Variants in TBC1D8B observed in about 807,000 individuals in gnomAD.
TBC1D8B encodes the protein RP11-321G1.1.
A neutral mutation model predicts 82.9 loss-of-function variants in TBC1D8B; 75 were observed. The ratio of observed to expected loss-of-function variants is 0.90; its 90% CI spans 0.75 to 1.10. The LOEUF (loss-of-function observed/expected upper bound fraction) is 1.10. Ranked by LOEUF, TBC1D8B falls within the 50% of genes least tolerant of loss-of-function variation. The pLI is 0.00. For synonymous variants in TBC1D8B, 276 were observed against 276.8 expected, an observed-to-expected ratio of 1.00 and a Z score of 0.03; for missense variants, 794 against 796.9, an observed-to-expected ratio of 1.00 and a Z score of 0.04.
At chrX:106,827,977 C>A (rs766872974) in intron 7 of TBC1D8B, 1 of 110,951 alleles carries the variant, frequency 9.0e-6, no homozygotes, top group Admixed American at 9.6e-5. Flanking sequence ...ACAAAAAACC[C>A]TTCAAAAAAT....
chrX:106,864,090 C>G (rs1022739407), intron 14 of TBC1D8B, among the ~76,000 whole-genome samples: 1 of 111,306 alleles, frequency 9.0e-6, no homozygotes, highest in Non-Finnish European at 1.9e-5. Flanking sequence ...TTGGTCTGTT[C>G]CAGGATCCGA....
In TBC1D8B at chrX:106,853,632, G is replaced by T; in HGVS notation, c.2235G>T (p.Leu745Phe). 1 of 1,207,124 alleles carries T rather than the reference G, an allele frequency of 8.3e-7. No individual in the cohort carries two copies. The highest frequency in any genetic ancestry group is 1.8e-5 in the South Asian group (1 of 56,398). The change falls in exon 13 of 21, where the codon TTG (leucine) becomes TTT (phenylalanine). Residue 745 changes from leucine to phenylalanine, a missense_variant. Coordinates refer to ENST00000357242, the MANE Select transcript of TBC1D8B (RefSeq NM_017752.3). Reference protein sequence around the residue: ...TSHTRVDITDLIRESNEKYGN... With the variant: ...TSHTRVDITDFIRESNEKYGN... ...ATACTAGAGTGGATATTACAGATTT[G>T]ATTAGAGAATCAAATGAGGTAAGTT...
In TBC1D8B at chrX:106,848,643, A is replaced by C. The variant is rs113706030; in HGVS notation, c.1837+340A>C. Among the ~76,000 whole-genome samples, 169 of 111,830 alleles carry C rather than the reference A, an allele frequency of 1.5e-3. 1 individual carries two copies. Among genetic ancestry groups the C allele is most frequent in the African/African-American group, 5.1e-3 (156 of 30,842 alleles). On this transcript the variant is annotated intron_variant, in intron 11 of 20. Transcript: ENST00000357242. ...CTCAAGTATCCACAGCTACTGGTGA[A>C]TTTTTGTAGTTTTTTGATGGGAGGG...
Position 106,866,819 on chromosome X carries a change from T to A in TBC1D8B, c.2685T>A (p.Phe895Leu), listed in dbSNP as rs1486504952. 8.4e-7 allele frequency: 1 copy of A among 1,184,844 alleles called. No homozygotes were observed. The highest frequency in any genetic ancestry group is 3.0e-5 in the East Asian group (1 of 32,792). ...SAIDIMYNGS[F>L]TEKLKLLFKL... ...CAGACATAATGTACAATGGAAGTTTTACTGAGAAGCTTAAGCTGCTTTTTA... is the reference window on the plus strand; with the variant it reads ...CAGACATAATGTACAATGGAAGTTTAACTGAGAAGCTTAAGCTGCTTTTTA... The change falls in exon 17 of 21, where the codon TTT becomes TTA. Residue 895 changes from phenylalanine (F) to leucine (L), a missense_variant. Phe to Leu is a conservative substitution (Grantham distance 22). Coordinates refer to ENST00000357242, the MANE Select transcript of TBC1D8B (RefSeq NM_017752.3).
chrX:106,822,735 C>T (rs1014839447), intron 4 of TBC1D8B, among the ~76,000 whole-genome samples: 6 of 109,574 alleles, frequency 5.5e-5, no homozygotes, highest in African/African-American at 1.7e-4. Context: ...CAGTGGCTCA[C>T]GCCTATAATC....
chrX:106,874,607 ACT>A lies in TBC1D8B; in HGVS notation c.*645_*646del, dbSNP rs1932874636. 8.9e-6 allele frequency: 1 copy of A among 111,762 alleles called. No homozygotes were observed. The highest frequency in any genetic ancestry group is 3.3e-5 in the African/African-American group (1 of 30,705). The allele number at this position is 111,762 out of a possible 1,213,427, so 9.2% of individuals were successfully genotyped here. A position where few individuals can be genotyped will look rare whatever the true frequency, so the allele number is the denominator to read the frequency against. ...CAGAGGCTGCTGACTCACACTGCTA[ACT>A]CTGTTACTGACAAAAGCAAATCAAT... On this transcript the variant is annotated 3_prime_UTR_variant, in exon 21 of 21. Transcript: ENST00000357242.
chrX:106,854,108 C>A, intron 13 of TBC1D8B, 90 bp from the exon 14 acceptor site: 1 of 679,969 alleles, frequency 1.5e-6, no homozygotes, highest in East Asian at 4.0e-5. Flanking sequence ...ATCAAGGCCT[C>A]CAAGAATTCA....
chrX:106,819,725 T>C (rs766412414), intron 2 of TBC1D8B, among the ~76,000 whole-genome samples: 2 of 110,742 alleles, frequency 1.8e-5, no homozygotes, highest in South Asian at 7.6e-4. Context: ...CTAAATGAGG[T>C]TGACATTATA....
chrX:106,842,848 TC>T (rs1282689664), intron 10 of TBC1D8B, among the ~76,000 whole-genome samples: 1 of 110,915 alleles, frequency 9.0e-6, no homozygotes, highest in Non-Finnish European at 1.9e-5. Flanking sequence ...TAGCAGTTAC[TC>T]CCCATTTCTC....
intron 7 of TBC1D8B, among the ~76,000 whole-genome samples, chrX:106,831,433 C>T (rs1485974425): frequency 9.0e-6 from 1 of 110,900 alleles, no homozygotes; most frequent in African/African-American, 3.3e-5. Context: ...TAGTATGTAC[C>T]CAGGATATTC....
At chrX:106,872,307 C>T (rs1048082492) in intron 20 of TBC1D8B, among the ~76,000 whole-genome samples, 4 of 72,029 alleles carry the variant, frequency 5.6e-5, no homozygotes, top group African/African-American at 2.5e-4. Flanking sequence ...GTGACAAGAG[C>T]GAAACTCTGT....
intron 11 of TBC1D8B, chrX:106,849,220 A>ATTTTTTTTTTTTTTTTT: frequency 2.3e-6 from 2 of 880,856 alleles, no homozygotes; most frequent in South Asian, 2.7e-5. Context: ...TTATTTGTGT[A>ATTTTTTTTTTTTTTTTT]TTTTTTTTTT....
At chrX:106,820,535 A>G (rs1040575114) in intron 2 of TBC1D8B, among the ~76,000 whole-genome samples, 1 of 111,630 alleles carries the variant, frequency 9.0e-6, no homozygotes, top group Admixed American at 9.6e-5. Flanking sequence ...ATTACACATT[A>G]TGTATTTTCT....
At chrX:106,837,609 C>G (rs1279519891) in intron 7 of TBC1D8B, among the ~76,000 whole-genome samples, 1 of 111,107 alleles carries the variant, frequency 9.0e-6, no homozygotes, top group Non-Finnish European at 1.9e-5. Context: ...AATGGTACAA[C>G]CCTCCCACCC....
chrX:106,846,899 A>G (rs1932468094), intron 10 of TBC1D8B, among the ~76,000 whole-genome samples: 1 of 112,413 alleles, frequency 8.9e-6, no homozygotes, highest in Non-Finnish European at 1.9e-5. Flanking sequence ...AATTAAAACA[A>G]TGAGCTACCA....
chrX:106,835,067 T>G (rs971966335), intron 7 of TBC1D8B, among the ~76,000 whole-genome samples: 19 of 112,166 alleles, frequency 1.7e-4, no homozygotes, highest in African/African-American at 5.8e-4. Context: ...CGACCCCACA[T>G]TTTCCTTCCA....
intron 14 of TBC1D8B, among the ~76,000 whole-genome samples, chrX:106,862,747 G>A (rs1299722476): frequency 1.6e-5 from 1 of 63,255 alleles, no homozygotes; most frequent in Non-Finnish European, 3.0e-5. Context: ...AATCTCTGAA[G>A]TTGTTTTCCT....
intron 14 of TBC1D8B, among the ~76,000 whole-genome samples, chrX:106,860,938 A>C (rs1932768182): frequency 8.9e-6 from 1 of 111,986 alleles, no homozygotes; most frequent in African/African-American, 3.2e-5. Context: ...TATTCTCATT[A>C]GTTTTAAATA....
chrX:106,826,217 G>A lies in TBC1D8B; in HGVS notation c.1015G>A (p.Val339Ile). ...FASQDGNQCS[V>I]IIPLREVLAI... ...TAGCCAAGATGGCAATCAGTGTAGT[G>A]TAATCATTCCACTACGAGAGGTAAT... The change falls in exon 6 of 21, where the codon GTA becomes ATA. Residue 339 changes from valine to isoleucine, a missense_variant. Physicochemically the swap from Val to Ile is conservative, Grantham distance 29. Coordinates refer to ENST00000357242, the MANE Select transcript of TBC1D8B (RefSeq NM_017752.3). 1 of 1,209,026 alleles carries A rather than the reference G, an allele frequency of 8.3e-7. No individual in the cohort carries two copies. The highest frequency in any genetic ancestry group is 1.1e-6 in the Non-Finnish European group (1 of 894,228).
Sources: gnomAD v4.1 joint callset for allele counts (sites outside exome capture counted in the v4.1 genomes callset) on GRCh38, gnomAD v4.1.1 for gene constraint, MANE v1.5 for transcripts, NCBI Gene and HGNC (gene_info 2026-07-23, HGNC 2026-07-21) for gene names.